TCP11L2: variants seen among roughly 807,000 people sequenced by gnomAD.
TCP11L2 encodes the protein t-complex 11 like 2.
In TCP11L2, 39 loss-of-function variants were observed where a neutral mutation model predicts 50.7. The observed-to-expected ratio is 0.77, with a 90% CI of 0.60 to 1.01. The LOEUF is 1.01. Among genes scored for constraint, TCP11L2 ranks in the 50% least tolerant of loss-of-function variants. The probability of loss-of-function intolerance (pLI) is 0.00; values close to 1 mark genes in which losing one functional copy is unlikely to be tolerated. For synonymous variants in TCP11L2, 192 were observed against 219.3 expected (o/e 0.88, Z 1.10); for missense variants, 612 against 614.7 (o/e 1.00, Z 0.05).
chr12:106,340,790 A>G, intron 8 of TCP11L2, 36 bp from the exon 9 acceptor site: 3 of 1,540,214 alleles, frequency 1.9e-6, no homozygotes, highest in Non-Finnish European at 2.6e-6. Context: ...ATGAACAAAA[A>G]CTTTCCCTGG....
intron 6 of TCP11L2, among the ~76,000 whole-genome samples, chr12:106,327,877 C>T (rs1224220814): frequency 6.6e-6 from 1 of 152,044 alleles, no homozygotes; most frequent in Non-Finnish European, 1.5e-5. Context: ...GCCAGGAGAA[C>T]CTTAGGAATG....
chr12:106,307,006 G>A (rs1243935468), intron 1 of TCP11L2, among the ~76,000 whole-genome samples: 1 of 152,186 alleles, frequency 6.6e-6, no homozygotes, highest in Non-Finnish European at 1.5e-5. Context: ...CTGCACACGA[G>A]CTGAGGAATC....
At chr12:106,314,190 A>G (rs1170645216) in intron 2 of TCP11L2, among the ~76,000 whole-genome samples, 168 bp from the exon 3 acceptor site, 1 of 152,190 alleles carries the variant, frequency 6.6e-6, no homozygotes, top group Non-Finnish European at 1.5e-5. Context: ...TAAATTTTTG[A>G]AGCCTTTATT....
At chr12:106,336,546 A>G (rs1016094484) in intron 8 of TCP11L2, among the ~76,000 whole-genome samples, 1 of 129,342 alleles carries the variant, frequency 7.7e-6, no homozygotes, top group Non-Finnish European at 1.6e-5. Context: ...AGAATTGCGC[A>G]ATTTTTTTTT....
Position 106,321,740 on chromosome 12 carries a change from A to G in TCP11L2, c.635+34A>G, listed in dbSNP as rs2035347130. On this transcript the variant is annotated intron_variant, in intron 5 of 9. Coordinates refer to ENST00000299045, the MANE Select transcript of TCP11L2 (RefSeq NM_152772.3). ...TTTTGCTGTTTGCATTTCCTAGAGT[A>G]TCTTTGAGTTCATTCAGAAGGGAAG... The G allele has an allele frequency of 2.5e-6, 4 of 1,582,740 alleles. No individual in the cohort carries two copies. The South Asian group carries it at 4.4e-5, about 18-fold the overall frequency.
intron 6 of TCP11L2, among the ~76,000 whole-genome samples, chr12:106,328,749 A>G (rs955900028): frequency 6.6e-6 from 1 of 152,256 alleles, no homozygotes; most frequent in African/African-American, 2.4e-5. Flanking sequence ...GGAAGGATGG[A>G]GGAAGTTTGC....
At chr12:106,345,134 A>G (rs1357968344) in intron 9 of TCP11L2, among the ~76,000 whole-genome samples, 1 of 152,160 alleles carries the variant, frequency 6.6e-6, no homozygotes, top group Non-Finnish European at 1.5e-5. Flanking sequence ...AGCTGGGACT[A>G]CAGGCACACA....
At chr12:106,333,164 T>C (rs1193834290) in intron 6 of TCP11L2, among the ~76,000 whole-genome samples, 1 of 152,198 alleles carries the variant, frequency 6.6e-6, no homozygotes, top group South Asian at 2.1e-4. Flanking sequence ...TGTACCCATG[T>C]CAGTTTCCTG....
At chr12:106,299,174 A>AGGGG (rs1401333210), upstream of TCP11L2, among the ~76,000 whole-genome samples, 1 of 151,876 alleles carries the variant, frequency 6.6e-6, no homozygotes, top group Admixed American at 6.6e-5. Context: ...ATCTTACAGG[A>AGGGG]GGGGTTAGGC....
intron 6 of TCP11L2, among the ~76,000 whole-genome samples, chr12:106,334,590 T>C (rs2035847136): frequency 6.6e-6 from 1 of 152,234 alleles, no homozygotes; most frequent in South Asian, 2.1e-4. Flanking sequence ...TAATTCAGTC[T>C]TTCTTTCCAA....
At chr12:106,346,048 G>A (rs900295620) in intron 9 of TCP11L2, among the ~76,000 whole-genome samples, 4 of 152,148 alleles carry the variant, frequency 2.6e-5, no homozygotes, top group East Asian at 3.9e-4. Flanking sequence ...CATTTCCACC[G>A]CATTCTGTAT....
intron 1 of TCP11L2, among the ~76,000 whole-genome samples, chr12:106,310,705 C>G (rs917931978): frequency 1.3e-5 from 2 of 152,224 alleles, no homozygotes; most frequent in Admixed American, 6.5e-5. Context: ...GTCCCACACT[C>G]CCGCCTTCTC....
rs879218963 is a variant in TCP11L2 at position 106,314,574 on chromosome 12, TGTGAGA to T, written c.293+83_293+88del. 8.5e-3 allele frequency: 5,232 copies of T among 615,244 alleles called. 39 individuals are homozygous for T. Among genetic ancestry groups the T allele is most frequent in the East Asian group, 0.061 (1,592 of 26,014 alleles). The allele number at this position is 615,244 out of a possible 1,614,324, so 38.1% of individuals were successfully genotyped here. On this transcript the variant is annotated intron_variant, in intron 3 of 9. Transcript: ENST00000299045. The stretch of plus-strand genomic sequence containing the variant: ...GTGTGTGTGTGTGTGTGTGTGTGTG[TGTGAGA>T]GAGAGAGAGAGAGAGAGAGAGACAG...
intron 8 of TCP11L2, among the ~76,000 whole-genome samples, chr12:106,338,724 T>C (rs1180853330): frequency 6.6e-6 from 1 of 152,276 alleles, no homozygotes; most frequent in East Asian, 1.9e-4. Flanking sequence ...TTTTAAGTTA[T>C]TTTAGAAATC....
At chr12:106,341,064 T>C in intron 9 of TCP11L2, 66 bp downstream of exon 9, 5 of 1,377,078 alleles carry the variant, frequency 3.6e-6, no homozygotes, top group Non-Finnish European at 5.0e-6. Context: ...TTGACTAACA[T>C]TAAGTCAGTC....
At position 106,346,026 on chromosome 12, in the gene TCP11L2, C is replaced by T. The variant is rs190846631; in HGVS notation, c.1316-260C>T. Among the ~76,000 whole-genome samples, 349 of 152,226 alleles carry T rather than the reference C, an allele frequency of 2.3e-3. 3 individuals are homozygous for T. The highest frequency in any genetic ancestry group is 3.4e-3 in the Middle Eastern group (1 of 294). On this transcript the variant is annotated intron_variant, in intron 9 of 9. Transcript: ENST00000299045. ...GGCCTCTTGAGGCCAAGGCATGAAA[C>T]TGGTACTCTGGCATTTCCACCGCAT...
intron 1 of TCP11L2, among the ~76,000 whole-genome samples, chr12:106,308,099 T>G (rs2034705068): frequency 1.3e-5 from 2 of 152,208 alleles, no homozygotes; most frequent in Admixed American, 1.3e-4. Flanking sequence ...TTTTGAAGCT[T>G]TTAAATTTTC....
chr12:106,343,807 C>T (rs2036157304), intron 9 of TCP11L2, among the ~76,000 whole-genome samples: 1 of 151,698 alleles, frequency 6.6e-6, no homozygotes, highest in Non-Finnish European at 1.5e-5. Flanking sequence ...CAGGTGCGGA[C>T]CACCAAGCCC....
At chr12:106,306,505 T>C (rs2034638359) in intron 1 of TCP11L2, among the ~76,000 whole-genome samples, 1 of 152,238 alleles carries the variant, frequency 6.6e-6, no homozygotes, top group Non-Finnish European at 1.5e-5. Context: ...AACAGTGCTA[T>C]TGATTGACTG....
Sources: allele counts gnomAD v4.1 joint callset (sites outside exome capture counted in the v4.1 genomes callset), GRCh38; gene constraint gnomAD v4.1.1; transcripts MANE v1.5; gene names NCBI Gene and HGNC (gene_info 2026-07-23, HGNC 2026-07-21).